PASD1: variants seen among roughly 807,000 people sequenced by gnomAD.
PASD1 encodes the protein circadian clock protein PASD1.
In PASD1, 13 loss-of-function variants were observed where a neutral mutation model predicts 58.8. That is an observed-to-expected ratio of 0.22 (90% confidence interval 0.14 to 0.35). PASD1 has a LOEUF of 0.35. Ranked by LOEUF, PASD1 falls within the 10% of genes least tolerant of loss-of-function variation. The pLI, the probability that PASD1 is intolerant of heterozygous loss-of-function variation, is 1.00. For synonymous variants in PASD1, 236 were observed against 216.7 expected (o/e 1.09, Z -0.78); for missense variants, 734 against 568.3 (o/e 1.29, Z -2.96).
chrX:151,602,435 C>CTGT (rs2013430036), intron 2 of PASD1, among the ~76,000 whole-genome samples: 1 of 111,426 alleles, frequency 9.0e-6, no homozygotes, highest in African/African-American at 3.3e-5. Context: ...TGGCTCACAC[C>CTGT]TGTCATCTTG....
At chrX:151,665,945 A>G (rs1416545452) in intron 11 of PASD1, among the ~76,000 whole-genome samples, 2 of 106,095 alleles carry the variant, frequency 1.9e-5, no homozygotes, top group East Asian at 2.9e-4. Flanking sequence ...TTCTTATAGG[A>G]AGAGACATAC....
chrX:151,654,431 A>G (rs1180095524), intron 9 of PASD1, among the ~76,000 whole-genome samples: 2 of 111,802 alleles, frequency 1.8e-5, no homozygotes, highest in African/African-American at 6.5e-5. Flanking sequence ...GTAAGTCTGG[A>G]GGATGGACAC....
chrX:151,619,557 A>T (rs1459784452), intron 4 of PASD1, among the ~76,000 whole-genome samples: 1 of 111,422 alleles, frequency 9.0e-6, no homozygotes, highest in Non-Finnish European at 1.9e-5. Flanking sequence ...TTGAGGTAGA[A>T]GTATATCCTC....
chrX:151,638,438 T>TAA (rs74857824), intron 8 of PASD1, among the ~76,000 whole-genome samples: 14 of 90,731 alleles, frequency 1.5e-4, no homozygotes, highest in South Asian at 4.8e-4. Context: ...GAACTTAAAG[T>TAA]AAAAAAAAAA....
intron 3 of PASD1, among the ~76,000 whole-genome samples, chrX:151,609,234 TA>T (rs1470251228): frequency 8.9e-6 from 1 of 111,976 alleles, no homozygotes; most frequent in African/African-American, 3.2e-5. Flanking sequence ...AAATAGTGTT[TA>T]AAAAATTATT....
At chrX:151,590,568 TTTTTATTTTTAC>T (rs765068171) in intron 1 of PASD1, among the ~76,000 whole-genome samples, 47 of 111,284 alleles carry the variant, frequency 4.2e-4, no homozygotes, top group Admixed American at 3.1e-3. Flanking sequence ...CCACTTTCAC[TTTTTATTTTTAC>T]TTTTATTTTT....
intron 8 of PASD1, among the ~76,000 whole-genome samples, chrX:151,637,058 G>A (rs2013940043): frequency 8.9e-6 from 1 of 112,089 alleles, no homozygotes; most frequent in African/African-American, 3.2e-5. Context: ...AGATTCATCC[G>A]AGTGGTTGCA....
rs755898276 is a variant in PASD1, at chrX:151,671,672, C to G, written c.1330C>G (p.Arg444Gly). Residue 444 changes from arginine (R) to glycine (G), a missense_variant, in exon 13 of 16, where the codon CGG becomes GGG. Physicochemically the swap from Arg to Gly is moderately radical, Grantham distance 125. Coordinates refer to ENST00000370357, the MANE Select transcript of PASD1 (RefSeq NM_173493.3). ...QQKQHAGQVKRPLPHPKDVKC... is the reference protein window; with the variant it reads ...QQKQHAGQVKGPLPHPKDVKC... ...GAAACAACACGCTGGGCAAGTGAAGCGGCCTCTCCCACATCCCAAGGACGT... is the reference window on the plus strand; with the variant it reads ...GAAACAACACGCTGGGCAAGTGAAGGGGCCTCTCCCACATCCCAAGGACGT... The G allele has an allele frequency of 3.3e-6, 4 of 1,209,865 alleles. No homozygotes were observed. Among genetic ancestry groups the G allele is most frequent in the African/African-American group, 3.5e-5 (2 of 57,832 alleles).
chrX:151,625,391 T>C, intron 7 of PASD1, 57 bp from the exon 8 acceptor site: 1 of 901,184 alleles, frequency 1.1e-6, no homozygotes. Flanking sequence ...ATATATGCTG[T>C]GCATTTTTAC....
At chrX:151,675,598 T>A (rs2014534096) in intron 15 of PASD1, among the ~76,000 whole-genome samples, 3 of 112,227 alleles carry the variant, frequency 2.7e-5, no homozygotes, top group African/African-American at 9.7e-5. Context: ...GGTTGGTACG[T>A]CTCCTGTCAC....
intron 9 of PASD1, 73 bp from the exon 10 acceptor site, chrX:151,659,640 A>G (rs2014286146): frequency 2.0e-6 from 2 of 1,004,946 alleles, no homozygotes; most frequent in African/African-American, 1.9e-5. Context: ...CAAAGTTTGT[A>G]TTCTGCCTGT....
intron 9 of PASD1, among the ~76,000 whole-genome samples, chrX:151,653,664 TTTCCTTCCTTCCTTCC>T (rs200997692): frequency 1.0e-5 from 1 of 96,229 alleles, no homozygotes; most frequent in Non-Finnish European, 2.1e-5. Context: ...TTCTTCCTTC[TTTCCTTCCTTCCTTCC>T]TTCCTTCCTT....
At chrX:151,622,484 A>G (rs1223591913) in intron 6 of PASD1, among the ~76,000 whole-genome samples, 1 of 110,620 alleles carries the variant, frequency 9.0e-6, no homozygotes, top group Non-Finnish European at 1.9e-5. Context: ...TAAATAAATG[A>G]AATTAACTCA....
chrX:151,672,513 C>T lies in PASD1; in HGVS notation c.1768C>T (p.Pro590Ser), dbSNP rs1309080298. The change falls in exon 14 of 16, where the codon CCA becomes TCA. Residue 590 changes from proline to serine, a missense_variant. Pro to Ser is a moderately conservative substitution (Grantham distance 74). Coordinates refer to ENST00000370357, the MANE Select transcript of PASD1 (RefSeq NM_173493.3). Reference sequence around the variant, plus strand: ...GAGGGTGCAGATATGCCTGCAAAACCCACGTGACGTATCTGTGCCCCTCTG... The same window carrying T: ...GAGGGTGCAGATATGCCTGCAAAACTCACGTGACGTATCTGTGCCCCTCTG... Reference protein sequence around the residue: ...NERVQICLQNPRDVSVPLCNH... With the variant: ...NERVQICLQNSRDVSVPLCNH... 1.9e-5 allele frequency: 23 copies of T among 1,210,050 alleles called. No homozygotes were observed. The highest frequency in any genetic ancestry group is 2.3e-4 in the Middle Eastern group (1 of 4,373).
rs4553055 is a variant in PASD1 at position 151,676,230 on chromosome X, G to A, written c.*87G>A. On this transcript the variant is annotated 3_prime_UTR_variant, in exon 16 of 16. Coordinates refer to ENST00000370357, the MANE Select transcript of PASD1 (RefSeq NM_173493.3). ...CATGGCCAGGGGACCTTCAAGGTGC[G>A]TAAAGTCCCTTGGGGTAGGGTTTAG... is the stretch of plus-strand genomic sequence containing the variant. The A allele has an allele frequency of 0.25, 253,281 of 1,007,311 alleles. 27,972 individuals are homozygous for A. Among genetic ancestry groups the A allele is most frequent in the East Asian group, 0.88 (28,157 of 31,941 alleles). The allele number at this position is 1,007,311 out of a possible 1,213,427, so 83.0% of individuals were successfully genotyped here. A position where few individuals can be genotyped will look rare whatever the true frequency, so the allele number is the denominator to read the frequency against.
intron 1 of PASD1, among the ~76,000 whole-genome samples, chrX:151,584,369 A>C (rs1296582242): frequency 4.5e-5 from 5 of 112,076 alleles, no homozygotes; most frequent in African/African-American, 6.5e-5. Flanking sequence ...AAATCTTACA[A>C]TTCGTGTTTG....
At chrX:151,610,700 T>C (rs1437380931) in intron 3 of PASD1, among the ~76,000 whole-genome samples, 2 of 111,373 alleles carry the variant, frequency 1.8e-5, no homozygotes, top group African/African-American at 6.5e-5. Flanking sequence ...TTATTAGACA[T>C]ATGGGGTCAG....
intron 8 of PASD1, among the ~76,000 whole-genome samples, chrX:151,627,114 C>T (rs2013798089): frequency 1.8e-5 from 2 of 111,535 alleles, no homozygotes; most frequent in Non-Finnish European, 3.8e-5. Flanking sequence ...CATGTCTGCT[C>T]ATGCCATGAT....
At chrX:151,624,891 T>C (rs1383295825) in intron 7 of PASD1, among the ~76,000 whole-genome samples, 2 of 112,136 alleles carry the variant, frequency 1.8e-5, no homozygotes, top group Non-Finnish European at 3.8e-5. Flanking sequence ...CCATTCATTA[T>C]TCCGTCTTTG....
Sources: gnomAD v4.1 joint callset for allele counts (sites outside exome capture counted in the v4.1 genomes callset) on GRCh38, gnomAD v4.1.1 for gene constraint, MANE v1.5 for transcripts, NCBI Gene and HGNC (gene_info 2026-07-23, HGNC 2026-07-21) for gene names.